ZNF385D: variants seen among roughly 807,000 people sequenced by gnomAD.
ZNF385D encodes zinc finger protein 659.
ZNF385D carries 15 observed loss-of-function variants against 35.8 expected under a neutral mutation model. The ratio of observed to expected loss-of-function variants is 0.42; its 90% CI spans 0.28 to 0.64. ZNF385D has a LOEUF of 0.64. ZNF385D is among the 30% of genes least tolerant of loss of function. The pLI, the probability that ZNF385D is intolerant of heterozygous loss-of-function variation, is 0.23. For synonymous variants in ZNF385D, 212 were observed against 186.8 expected (o/e 1.13, Z -1.10); for missense variants, 474 against 494.6 (o/e 0.96, Z 0.39).
intron 2 of ZNF385D, among the ~76,000 whole-genome samples, chr3:21,577,473 A>G (rs1029202226): frequency 2.6e-5 from 4 of 152,214 alleles, no homozygotes; most frequent in South Asian, 2.1e-4. Flanking sequence ...TAAACACAGG[A>G]GTACAGAGAT....
intron 1 of ZNF385D, among the ~76,000 whole-genome samples, chr3:21,692,755 T>C (rs2067325260): frequency 6.6e-6 from 1 of 152,234 alleles, no homozygotes; most frequent in Non-Finnish European, 1.5e-5. Context: ...CTTCTTCTGA[T>C]ACATTTTGTT....
intron 3 of ZNF385D, among the ~76,000 whole-genome samples, chr3:21,873,256 C>T (rs1612644): frequency 0.43 from 64,625 of 150,634 alleles, 13,988 homozygotes; most frequent in African/African-American, 0.45. Context: ...GGTTAACATA[C>T]AGAATCATAT....
chr3:22,301,924 T>C (rs1702922504), intron 2 of ZNF385D, among the ~76,000 whole-genome samples: 1 of 152,138 alleles, frequency 6.6e-6, no homozygotes, highest in South Asian at 2.1e-4. Flanking sequence ...AAATTTTCTA[T>C]ACCGATGCAT....
chr3:22,136,280 C>A (rs576470086), intron 3 of ZNF385D, among the ~76,000 whole-genome samples: 2 of 152,134 alleles, frequency 1.3e-5, no homozygotes, highest in South Asian at 2.1e-4. Context: ...CCCAGCTACT[C>A]GGGAGGCTGA....
intron 4 of ZNF385D, among the ~76,000 whole-genome samples, chr3:21,440,710 T>C (rs1267273487): frequency 1.3e-5 from 2 of 152,168 alleles, no homozygotes; most frequent in African/African-American, 4.8e-5. Flanking sequence ...TCTTGAATCT[T>C]CTCTGCAAAT....
chr3:22,002,078 T>A (rs539369862), intron 3 of ZNF385D, among the ~76,000 whole-genome samples: 2 of 149,656 alleles, frequency 1.3e-5, no homozygotes, highest in African/African-American at 4.9e-5. Flanking sequence ...GAAAAGGAAA[T>A]AAATAATACA....
intron 2 of ZNF385D, among the ~76,000 whole-genome samples, chr3:22,253,546 C>T (rs980517465): frequency 3.3e-5 from 5 of 151,776 alleles, no homozygotes; most frequent in Non-Finnish European, 7.4e-5. Flanking sequence ...AAAAATTTGC[C>T]TAATGGTAAG....
intron 3 of ZNF385D, among the ~76,000 whole-genome samples, chr3:22,000,334 T>C (rs1489600681): frequency 5.3e-5 from 8 of 151,852 alleles, no homozygotes; most frequent in Non-Finnish European, 1.0e-4. Flanking sequence ...CTGAGGCACA[T>C]TGTAGTTAAA....
chr3:21,792,540 C>T (rs367937151), intron 3 of ZNF385D, among the ~76,000 whole-genome samples: 26 of 152,300 alleles, frequency 1.7e-4, no homozygotes, highest in South Asian at 1.0e-3. Context: ...TAGTAGCTGG[C>T]TCTTTAGAGA....
At chr3:22,308,626 C>T (rs1024096682) in intron 2 of ZNF385D, among the ~76,000 whole-genome samples, 1 of 151,628 alleles carries the variant, frequency 6.6e-6, no homozygotes, top group Admixed American at 6.6e-5. Context: ...ACAACAGAGG[C>T]GGCATGAAAA....
chr3:21,676,231 C>T (rs1219176461), intron 1 of ZNF385D, among the ~76,000 whole-genome samples: 2 of 152,006 alleles, frequency 1.3e-5, no homozygotes, highest in African/African-American at 4.8e-5. Context: ...TCTTGGATTC[C>T]ATTGCTTTGG....
chr3:22,012,374 A>G (rs750174540), intron 3 of ZNF385D, among the ~76,000 whole-genome samples: 1 of 152,166 alleles, frequency 6.6e-6, no homozygotes, highest in Non-Finnish European at 1.5e-5. Context: ...ACTATATACC[A>G]CAAATGTGTT....
rs545629819 is a variant in ZNF385D, at chr3:21,413,148, T to G, written c.*8066A>C. ...GAATCATCATTCAACTATCATAATATAAAACACAATAAAATCCTATCTCAC... is the reference window on the plus strand; with the variant it reads ...GAATCATCATTCAACTATCATAATAGAAAACACAATAAAATCCTATCTCAC... On this transcript the variant is annotated 3_prime_UTR_variant, in exon 8 of 8. Transcript: ENST00000281523. The G allele has an allele frequency of 3.9e-5, 6 of 152,150 alleles. No individual in the cohort carries two copies. The highest frequency in any genetic ancestry group is 1.4e-4 in the African/African-American group (6 of 41,532). The allele number at this position is 152,150 out of a possible 1,614,324, so 9.4% of individuals were successfully genotyped here.
chr3:22,207,841 T>C lies in ZNF385D; in HGVS notation c.107-38806A>G, dbSNP rs546132344. Among the ~76,000 whole-genome samples, 35 of 151,976 alleles carry C rather than the reference T, an allele frequency of 2.3e-4. No individual in the cohort carries two copies. The South Asian group carries it at 5.2e-3, about 22-fold the overall frequency. ...AAATGGCAAACAGTGCCCCATATCA[T>C]TGATCATCAGAGAAATGCAGATCCC... On this transcript the variant is annotated intron_variant, in intron 2 of 5. Coordinates refer to the ZNF385D transcript ENST00000494108.
chr3:21,626,930 C>G (rs536715986), intron 2 of ZNF385D, among the ~76,000 whole-genome samples: 4 of 152,018 alleles, frequency 2.6e-5, no homozygotes, highest in African/African-American at 7.2e-5. Flanking sequence ...TAGAAAAGAA[C>G]TGGGTATTGA....
At chr3:22,040,012 G>T (rs530986413) in intron 3 of ZNF385D, among the ~76,000 whole-genome samples, 1 of 152,050 alleles carries the variant, frequency 6.6e-6, no homozygotes, top group African/African-American at 2.4e-5. Flanking sequence ...TCCTGCTCCC[G>T]CCATGCACCG....
intron 2 of ZNF385D, among the ~76,000 whole-genome samples, chr3:22,209,355 C>T (rs994884023): frequency 4.0e-5 from 6 of 151,756 alleles, no homozygotes; most frequent in South Asian, 2.1e-4. Context: ...AAGTGAGTGG[C>T]GAATACAATA....
intron 3 of ZNF385D, among the ~76,000 whole-genome samples, chr3:21,996,076 G>T (rs1024814007): frequency 1.3e-5 from 2 of 152,104 alleles, no homozygotes; most frequent in African/African-American, 4.8e-5. Context: ...GTGCCCCAGG[G>T]TAGGATATAA....
intron 2 of ZNF385D, among the ~76,000 whole-genome samples, chr3:22,308,551 T>G (rs4858031): frequency 0.65 from 98,891 of 151,720 alleles, 32,617 homozygotes; most frequent in African/African-American, 0.74. Context: ...GAAAAGGCAG[T>G]CAGTTTCCTA....
Sources: allele counts gnomAD v4.1 joint callset (sites outside exome capture counted in the v4.1 genomes callset), GRCh38; gene constraint gnomAD v4.1.1; transcripts MANE v1.5; gene names NCBI Gene and HGNC (gene_info 2026-07-23, HGNC 2026-07-21).